The following ARMH4 variants were observed in gnomAD, a reference collection of about 807,000 sequenced individuals.
ARMH4 encodes the protein armadillo-like helical domain-containing protein 4.
ARMH4 carries 49 observed loss-of-function variants against 61.9 expected under a neutral mutation model. The ratio of observed to expected loss-of-function variants is 0.79; its 90% CI spans 0.63 to 1.00. ARMH4 has a LOEUF of 1.00. Ranked by LOEUF, ARMH4 falls within the 50% of genes least tolerant of loss-of-function variation. The pLI, the probability that ARMH4 is intolerant of heterozygous loss-of-function variation, is 0.00. For synonymous variants in ARMH4, 368 were observed against 341.5 expected (o/e 1.08, Z -0.85); for missense variants, 934 against 930.0 (o/e 1.00, Z -0.06).
At chr14:58,004,868 C>A in intron 7 of ARMH4, 64 bp from the exon 8 acceptor site, 2 of 1,552,886 alleles carry the variant, frequency 1.3e-6, no homozygotes, top group Non-Finnish European at 1.8e-6. Context: ...GAGAAACAGG[C>A]CCACTTTAAA....
chr14:58,078,695 A>G (rs1461904540), intron 5 of ARMH4, among the ~76,000 whole-genome samples: 2 of 152,246 alleles, frequency 1.3e-5, no homozygotes, highest in African/African-American at 2.4e-5. Context: ...AACTAACTCA[A>G]TTCCAATGTT....
chr14:58,096,488 A>G (rs1006532473), intron 5 of ARMH4, among the ~76,000 whole-genome samples: 2 of 152,206 alleles, frequency 1.3e-5, no homozygotes, highest in Non-Finnish European at 2.9e-5. Flanking sequence ...TGGCTACTTA[A>G]GGGCATAAAT....
rs45570237 is a variant in ARMH4, at chr14:58,131,719, G to A, written c.1624C>T (p.Gln542Ter). The change falls in exon 4 of 8, where the codon CAA becomes TAA. Residue 542 changes from glutamine (Q) to a stop codon, truncating the protein, a stop_gained and splice_region_variant. Transcript: ENST00000267485. LOFTEE classifies it high-confidence loss of function. ...TTTGGCCCTGTGACTGTGTCCATTT[G>A]TTCTGCCAAACACAACAGACAGGAC... ...SFEVTPTVEE[Q>*]MDTVTGPNEE... is the part of the protein sequence containing the mutation. 4 of 1,612,424 alleles carry A rather than the reference G, an allele frequency of 2.5e-6. No homozygotes were observed. The South Asian group carries it at 4.4e-5, about 18-fold the overall frequency.
At chr14:58,023,564 C>G (rs1240281393) in intron 5 of ARMH4, among the ~76,000 whole-genome samples, 1 of 152,162 alleles carries the variant, frequency 6.6e-6, no homozygotes, top group African/African-American at 2.4e-5. Flanking sequence ...GGGTTAGAAT[C>G]AACTTCCTCC....
chr14:58,075,874 T>C (rs1017549731), intron 5 of ARMH4, among the ~76,000 whole-genome samples: 3 of 152,180 alleles, frequency 2.0e-5, no homozygotes, highest in Non-Finnish European at 2.9e-5. Flanking sequence ...TTTGTTCATA[T>C]GTAAAATGGA....
intron 5 of ARMH4, among the ~76,000 whole-genome samples, chr14:58,081,867 AT>A (rs1370082332): frequency 1.3e-5 from 2 of 151,634 alleles, no homozygotes; most frequent in Non-Finnish European, 2.9e-5. Context: ...TCATGTTGGG[AT>A]TTTTTTCTTT....
At chr14:58,097,022 G>C in intron 4 of ARMH4, 41 bp from the exon 5 acceptor site, 1 of 1,575,040 alleles carries the variant, frequency 6.3e-7, no homozygotes, top group South Asian at 1.1e-5. Context: ...AACATATAAT[G>C]AGTTTATGCT....
At chr14:58,079,292 T>C (rs1651589420) in intron 5 of ARMH4, among the ~76,000 whole-genome samples, 1 of 152,174 alleles carries the variant, frequency 6.6e-6, no homozygotes. Context: ...TACACAAGCA[T>C]GGTACTCGCA....
intron 5 of ARMH4, among the ~76,000 whole-genome samples, chr14:58,052,907 G>A (rs148033972): frequency 5.5e-4 from 83 of 151,740 alleles, no homozygotes; most frequent in South Asian, 4.4e-3. Flanking sequence ...CCTAACTCAG[G>A]TTCTGCCCTG....
At chr14:58,015,637 A>C (rs1393827418) in intron 5 of ARMH4, among the ~76,000 whole-genome samples, 1 of 152,274 alleles carries the variant, frequency 6.6e-6, no homozygotes, top group East Asian at 1.9e-4. Context: ...TCGGTAAAAC[A>C]TTCAAGTTGC....
chr14:58,092,722 C>T (rs1367941034), intron 5 of ARMH4, among the ~76,000 whole-genome samples: 1 of 152,138 alleles, frequency 6.6e-6, no homozygotes, highest in African/African-American at 2.4e-5. Flanking sequence ...TAACTCTGAA[C>T]CTCCTACTTC....
intron 5 of ARMH4, among the ~76,000 whole-genome samples, chr14:58,020,244 G>C (rs754862026): frequency 5.9e-5 from 9 of 152,168 alleles, no homozygotes; most frequent in Non-Finnish European, 1.0e-4. Context: ...GGAGGGGTGA[G>C]GGCAGGTGGG....
intron 4 of ARMH4, among the ~76,000 whole-genome samples, chr14:58,113,794 C>T (rs1594765046): frequency 6.6e-6 from 1 of 151,670 alleles, no homozygotes; most frequent in East Asian, 1.9e-4. Context: ...GTCATTGAGG[C>T]TTTTTTCCCA....
chr14:58,151,417 G>C (rs1362373859), intron 1 of ARMH4, among the ~76,000 whole-genome samples: 1 of 152,090 alleles, frequency 6.6e-6, no homozygotes, highest in Non-Finnish European at 1.5e-5. Flanking sequence ...CCTCCCCCAG[G>C]TCTAACCCGC....
chr14:58,125,504 C>G (rs933106756), intron 4 of ARMH4, among the ~76,000 whole-genome samples: 2 of 152,180 alleles, frequency 1.3e-5, no homozygotes, highest in Non-Finnish European at 2.9e-5. Flanking sequence ...TAATCCCCTG[C>G]ACTGCAGGCC....
Position 58,073,644 on chromosome 14 carries a change from T to G in ARMH4, c.2089+23080A>C, listed in dbSNP as rs542185798. The stretch of plus-strand genomic sequence containing the variant: ...CCTTGCAATCTACTTTTAGACAGAC[T>G]TTTTTGTTCAACGTATGCTCAGAAG... On this transcript the variant is annotated intron_variant, in intron 5 of 7. Transcript: ENST00000267485. Among the ~76,000 whole-genome samples the G allele has an allele frequency of 3.3e-5, 5 of 152,358 alleles. No individual in the cohort carries two copies. The South Asian group carries it at 8.3e-4, about 25-fold the overall frequency.
chr14:58,103,182 A>C (rs1216340605), intron 4 of ARMH4, among the ~76,000 whole-genome samples: 1 of 152,020 alleles, frequency 6.6e-6, no homozygotes, highest in Non-Finnish European at 1.5e-5. Flanking sequence ...AGATACAGAC[A>C]CAGAGACAAA....
chr14:58,070,903 T>A (rs1884862742), intron 5 of ARMH4, among the ~76,000 whole-genome samples: 1 of 152,154 alleles, frequency 6.6e-6, no homozygotes, highest in East Asian at 1.9e-4. Flanking sequence ...CCTTCTACTC[T>A]CTATGTGCAT....
At chr14:58,015,999 A>G (rs1015732451) in intron 5 of ARMH4, among the ~76,000 whole-genome samples, 1 of 152,028 alleles carries the variant, frequency 6.6e-6, no homozygotes, top group Non-Finnish European at 1.5e-5. Context: ...CAGTAATTAA[A>G]GAAGTATGAA....
Sources: gnomAD v4.1 joint callset for allele counts (sites outside exome capture counted in the v4.1 genomes callset) on GRCh38, gnomAD v4.1.1 for gene constraint, MANE v1.5 for transcripts, NCBI Gene and HGNC (gene_info 2026-07-23, HGNC 2026-07-21) for gene names.